The following THSD7B variants were observed in gnomAD, a reference collection of about 807,000 sequenced individuals.
The protein encoded by THSD7B is thrombospondin type 1 domain containing 7B.
Under a neutral mutation model 213.6 loss-of-function variants are expected in THSD7B, and 138 were observed. That is an observed-to-expected ratio of 0.65 (90% CI 0.56 to 0.74). The LOEUF (loss-of-function observed/expected upper bound fraction) is 0.74. THSD7B is among the 30% of genes least tolerant of loss of function. The probability of loss-of-function intolerance (pLI) is 0.00; values close to 1 mark genes in which losing one functional copy is unlikely to be tolerated. For synonymous variants in THSD7B, 742 were observed against 687.0 expected, an observed-to-expected ratio of 1.08 and a Z score of -1.25; for missense variants, 1,931 against 1,991.5, an observed-to-expected ratio of 0.97 and a Z score of 0.58.
chr2:136,993,334 A>G (rs931611271), intron 2 of THSD7B, among the ~76,000 whole-genome samples: 2 of 152,256 alleles, frequency 1.3e-5, no homozygotes, highest in African/African-American at 4.8e-5. Flanking sequence ...CTAAAATCAG[A>G]AACAGACACT....
intron 21 of THSD7B, among the ~76,000 whole-genome samples, chr2:137,645,200 G>A (rs145679934): frequency 0.011 from 1,608 of 152,218 alleles, 18 homozygotes; most frequent in Non-Finnish European, 0.018. Context: ...AAAGTACTTT[G>A]CATAGTAATA....
chr2:137,121,254 C>G (rs941760554), intron 5 of THSD7B, among the ~76,000 whole-genome samples: 10 of 152,084 alleles, frequency 6.6e-5, no homozygotes, highest in African/African-American at 2.4e-4. Context: ...TAAACAAGAG[C>G]AGGAGAGAGC....
chr2:137,135,097 T>G (rs1679409718), intron 5 of THSD7B, among the ~76,000 whole-genome samples: 1 of 152,218 alleles, frequency 6.6e-6, no homozygotes, highest in African/African-American at 2.4e-5. Context: ...AATGCTTAGC[T>G]TAGCCCCTTC....
chr2:137,342,232 T>G (rs887430123), intron 12 of THSD7B, among the ~76,000 whole-genome samples: 18 of 151,646 alleles, frequency 1.2e-4, no homozygotes, highest in Non-Finnish European at 1.0e-4. Context: ...TGGTTAAACT[T>G]ATTCCCAAAT....
At chr2:137,367,456 C>T (rs56391548) in intron 12 of THSD7B, among the ~76,000 whole-genome samples, 2 of 152,200 alleles carry the variant, frequency 1.3e-5, no homozygotes, top group African/African-American at 4.8e-5. Context: ...ATGCAATATA[C>T]GTTTTGGAAG....
chr2:137,230,421 G>A (rs34890878), intron 7 of THSD7B, among the ~76,000 whole-genome samples: 7,000 of 152,202 alleles, frequency 0.046, 199 homozygotes, highest in Admixed American at 0.068. Context: ...GTTTAGCAAT[G>A]CATTAGATTA....
At chr2:137,523,829 A>AT (rs1177753999) in intron 15 of THSD7B, among the ~76,000 whole-genome samples, 4 of 151,978 alleles carry the variant, frequency 2.6e-5, no homozygotes, top group South Asian at 2.1e-4. Flanking sequence ...GACACCATCT[A>AT]TTTTTTTCCT....
chr2:137,479,706 C>A (rs1469874371), intron 15 of THSD7B, among the ~76,000 whole-genome samples: 1 of 152,160 alleles, frequency 6.6e-6, no homozygotes, highest in Non-Finnish European at 1.5e-5. Context: ...AGAAATGGTG[C>A]CTGGCTGCTG....
At chr2:137,216,759 G>A (rs1681253949) in intron 7 of THSD7B, among the ~76,000 whole-genome samples, 1 of 152,136 alleles carries the variant, frequency 6.6e-6, no homozygotes, top group Non-Finnish European at 1.5e-5. Context: ...AGTTTGGGCT[G>A]ATCTCCACAA....
chr2:137,122,766 C>T (rs1399983594), intron 5 of THSD7B, among the ~76,000 whole-genome samples: 1 of 152,102 alleles, frequency 6.6e-6, no homozygotes, highest in Admixed American at 6.6e-5. Context: ...CATATAGTCT[C>T]CCTTATTTTC....
intron 2 of THSD7B, among the ~76,000 whole-genome samples, chr2:136,947,688 A>G (rs747576803): frequency 6.6e-6 from 1 of 152,240 alleles, no homozygotes; most frequent in Non-Finnish European, 1.5e-5. Flanking sequence ...GATAAATCCT[A>G]CATTGGTTTT....
At chr2:136,995,364 G>A (rs1315130668) in intron 2 of THSD7B, among the ~76,000 whole-genome samples, 2 of 152,102 alleles carry the variant, frequency 1.3e-5, no homozygotes, top group African/African-American at 4.8e-5. Flanking sequence ...CAGCAAATCT[G>A]CATCTCTGGA....
At chr2:136,834,828 ATACTAATAAATC>A (rs998869751) in intron 1 of THSD7B, among the ~76,000 whole-genome samples, 57 of 152,268 alleles carry the variant, frequency 3.7e-4, no homozygotes, top group African/African-American at 1.3e-3. Flanking sequence ...TACCAAATAG[ATACTAATAAATC>A]TACTAATAAA....
chr2:137,620,093 A>G (rs977332922), intron 19 of THSD7B, among the ~76,000 whole-genome samples: 7 of 152,228 alleles, frequency 4.6e-5, no homozygotes, highest in African/African-American at 1.4e-4. Context: ...ACAAGAAAAA[A>G]AATAAACGGT....
At chr2:136,783,924 G>T (rs945120755) in intron 1 of THSD7B, among the ~76,000 whole-genome samples, 3 of 152,234 alleles carry the variant, frequency 2.0e-5, no homozygotes, top group African/African-American at 7.2e-5. Flanking sequence ...ATGCATGGCA[G>T]TTAGGACTTT....
intron 7 of THSD7B, among the ~76,000 whole-genome samples, chr2:137,178,207 T>G (rs953846337): frequency 6.6e-6 from 1 of 152,028 alleles, no homozygotes; most frequent in African/African-American, 2.4e-5. Flanking sequence ...TTTTGCTTCT[T>G]TATTGTTACC....
chr2:137,025,549 T>C (rs1686536484), intron 2 of THSD7B, among the ~76,000 whole-genome samples: 1 of 152,154 alleles, frequency 6.6e-6, no homozygotes. Context: ...TTTTTTTATT[T>C]GCACACACTC....
chr2:137,121,061 A>G (rs34570855), intron 5 of THSD7B, among the ~76,000 whole-genome samples: 5,600 of 152,304 alleles, frequency 0.037, 146 homozygotes, highest in Admixed American at 0.066. Context: ...ATCTAAGTTT[A>G]GTTAATTTTT....
At chr2:137,015,453 C>T (rs1342058959) in intron 2 of THSD7B, among the ~76,000 whole-genome samples, 1 of 152,054 alleles carries the variant, frequency 6.6e-6, no homozygotes, top group Non-Finnish European at 1.5e-5. Context: ...CACTAGTACC[C>T]CCATTGTCCC....
Sources: gnomAD v4.1 joint callset for allele counts (sites outside exome capture counted in the v4.1 genomes callset) on GRCh38, gnomAD v4.1.1 for gene constraint, MANE v1.5 for transcripts, NCBI Gene and HGNC (gene_info 2026-07-23, HGNC 2026-07-21) for gene names.